AGFG1: variants seen among roughly 807,000 people sequenced by gnomAD.
AGFG1 encodes the protein ArfGAP with FG repeats 1, also known as arf-GAP domain and FG repeat-containing protein 1.
A neutral mutation model predicts 60.6 loss-of-function variants in AGFG1; 10 were observed. The ratio of observed to expected loss-of-function variants is 0.16; its 90% CI spans 0.10 to 0.28. AGFG1 has a LOEUF of 0.28. AGFG1 is among the 10% of genes least tolerant of loss of function. AGFG1 has a pLI of 1.00. For synonymous variants in AGFG1, 247 were observed against 242.9 expected (o/e 1.02, Z -0.16); for missense variants, 537 against 676.5 (o/e 0.79, Z 2.29).
chr2:227,527,786 TA>T (rs1345399513), intron 5 of AGFG1, among the ~76,000 whole-genome samples: 3 of 152,210 alleles, frequency 2.0e-5, no homozygotes, highest in African/African-American at 7.2e-5. Context: ...GTGTATGAGG[TA>T]TTGGCTAAAG....
intron 6 of AGFG1, chr2:227,532,182 T>G (rs372968413): frequency 2.3e-5 from 36 of 1,549,216 alleles, no homozygotes; most frequent in Non-Finnish European, 3.1e-5. Flanking sequence ...TGAATTTACT[T>G]CAGCTTTTCC....
chr2:227,476,643 A>G (rs750452099), intron 1 of AGFG1, among the ~76,000 whole-genome samples: 39 of 152,328 alleles, frequency 2.6e-4, no homozygotes, highest in Admixed American at 8.5e-4. Flanking sequence ...GATGAATGTT[A>G]CAAGAATTTT....
chr2:227,554,403 C>T (rs768039438), intron 12 of AGFG1, 33 bp from the exon 13 acceptor site: 6 of 1,570,886 alleles, frequency 3.8e-6, no homozygotes, highest in South Asian at 1.2e-5. Context: ...CTACTTTTGT[C>T]TCTTTATTTA....
chr2:227,553,420 C>G (rs1429458466), intron 11 of AGFG1, among the ~76,000 whole-genome samples: 3 of 149,270 alleles, frequency 2.0e-5, no homozygotes, highest in Non-Finnish European at 4.4e-5. Flanking sequence ...CACCTGAGCC[C>G]TGGAGGTTGA....
At chr2:227,516,904 T>C (rs1203734333) in intron 2 of AGFG1, among the ~76,000 whole-genome samples, 1 of 152,172 alleles carries the variant, frequency 6.6e-6, no homozygotes, top group African/African-American at 2.4e-5. Flanking sequence ...TTGGGAAGTT[T>C]TAAAATAGAA....
chr2:227,507,302 T>C (rs1691348092), intron 2 of AGFG1, among the ~76,000 whole-genome samples: 1 of 152,188 alleles, frequency 6.6e-6, no homozygotes, highest in Admixed American at 6.5e-5. Context: ...AGCTGGCTCC[T>C]ACCTAACAAG....
In AGFG1 at chr2:227,531,188, T is replaced by C. The variant is rs772399534; in HGVS notation, c.792T>C (p.Ser264=). 2 of 1,613,646 alleles carry C rather than the reference T, an allele frequency of 1.2e-6. No homozygotes were observed. Among genetic ancestry groups the C allele is most frequent in the African/African-American group, 2.7e-5 (2 of 74,902 alleles). ...NFGGFPTASH[S]PFQPQTTGGS... is the part of the protein sequence containing the mutation. ...GAGGTTTCCCCACAGCAAGTCACTC[T>C]CCTTTTCAGCCCCAAACTACAGGTA... Residue 264 remains serine (S), a synonymous_variant, in exon 6 of 13, where the codon TCT becomes TCC. Coordinates refer to ENST00000310078, the MANE Select transcript of AGFG1 (RefSeq NM_004504.5).
intron 3 of AGFG1, among the ~76,000 whole-genome samples, chr2:227,520,829 A>G (rs1396891984): frequency 6.6e-6 from 1 of 152,208 alleles, no homozygotes; most frequent in Non-Finnish European, 1.5e-5. Context: ...GAGGTTAACA[A>G]GATGGGGCAG....
At chr2:227,522,971 G>A (rs1286767415) in intron 3 of AGFG1, among the ~76,000 whole-genome samples, 1 of 152,108 alleles carries the variant, frequency 6.6e-6, no homozygotes, top group East Asian at 1.9e-4. Context: ...TTGTATTATC[G>A]TAAATTTTTT....
chr2:227,536,025 A>AT (rs1201068392), intron 8 of AGFG1, among the ~76,000 whole-genome samples: 8 of 151,156 alleles, frequency 5.3e-5, no homozygotes, highest in East Asian at 3.9e-4. Flanking sequence ...GTGTCTTTTT[A>AT]TTTTTTTTTA....
chr2:227,529,746 C>A (rs1217974596), intron 5 of AGFG1, among the ~76,000 whole-genome samples: 2 of 151,858 alleles, frequency 1.3e-5, no homozygotes, highest in Non-Finnish European at 2.9e-5. Context: ...GGATCTAAAC[C>A]CAACTGCCTT....
At chr2:227,534,666 G>C (rs1369251129) in intron 7 of AGFG1, among the ~76,000 whole-genome samples, 179 bp from the exon 8 acceptor site, 1 of 152,110 alleles carries the variant, frequency 6.6e-6, no homozygotes, top group African/African-American at 2.4e-5. Context: ...TATCACAGTG[G>C]TATGTATAAC....
At chr2:227,473,358 G>A (rs993350468) in intron 1 of AGFG1, among the ~76,000 whole-genome samples, 5 of 152,092 alleles carry the variant, frequency 3.3e-5, no homozygotes, top group Admixed American at 3.3e-4. Context: ...ATGGCAATAA[G>A]GTACCCACTA....
chr2:227,544,146 C>CTTTTTT (rs71039605), intron 10 of AGFG1, among the ~76,000 whole-genome samples: 1 of 75,756 alleles, frequency 1.3e-5, no homozygotes, highest in Non-Finnish European at 2.3e-5. Context: ...CATTCTGTGT[C>CTTTTTT]TTTTTTTTTT....
At chr2:227,524,072 G>T in intron 4 of AGFG1, 147 bp downstream of exon 4, 1 of 861,800 alleles carries the variant, frequency 1.2e-6, no homozygotes, top group Non-Finnish European at 1.7e-6. Flanking sequence ...GAAATTGTTG[G>T]TTAAGTGGTT....
chr2:227,522,276 A>G (rs755221541), intron 3 of AGFG1, among the ~76,000 whole-genome samples: 13 of 152,340 alleles, frequency 8.5e-5, no homozygotes, highest in Non-Finnish European at 1.3e-4. Context: ...ATGGTAGCAT[A>G]TTACTTTGCC....
At chr2:227,551,861 A>AT in intron 10 of AGFG1, 98 bp from the exon 11 acceptor site, 1 of 1,431,454 alleles carries the variant, frequency 7.0e-7, no homozygotes, top group Non-Finnish European at 9.6e-7. Context: ...ACATCTTAGT[A>AT]TTTTTCAAGG....
chr2:227,558,476 CAG>C lies in AGFG1; in HGVS notation c.*3983_*3984del. ...GATTGAAGACTCATCTGAAGTATCA[CAG>C]ACTCCTATTTTGTAAAGCATTCCAC... On this transcript the variant is annotated 3_prime_UTR_variant, in exon 13 of 13. Transcript: ENST00000310078. 1 of 152,076 alleles carries C rather than the reference CAG, an allele frequency of 6.6e-6. No homozygotes were observed. The highest frequency in any genetic ancestry group is 1.9e-4 in the East Asian group (1 of 5,176). The allele number at this position is 152,076 out of a possible 1,614,324, so 9.4% of individuals were successfully genotyped here.
rs1022342822 is a variant in AGFG1 at position 227,522,954 on chromosome 2, A to G, written c.378-809A>G. 2.4e-4 allele frequency among the ~76,000 whole-genome samples: 36 copies of G among 152,326 alleles called. 2 individuals carry two copies. Among genetic ancestry groups the G allele is most frequent in the African/African-American group, 1.7e-4 (7 of 41,584 alleles). The stretch of plus-strand genomic sequence containing the variant: ...CTTTCCATGTCAAAGCAGAGTAGCT[A>G]TGAGTATTGTATTATCGTAAATTTT... On this transcript the variant is annotated intron_variant, in intron 3 of 12. Transcript: ENST00000310078.
Sources: gnomAD v4.1 joint callset for allele counts (sites outside exome capture counted in the v4.1 genomes callset) on GRCh38, gnomAD v4.1.1 for gene constraint, MANE v1.5 for transcripts, NCBI Gene and HGNC (gene_info 2026-07-23, HGNC 2026-07-21) for gene names.